Variants in AP1G1 observed in about 807,000 individuals in gnomAD.
AP1G1 encodes AP-1 complex subunit gamma-1.
AP1G1 carries 7 observed loss-of-function variants against 108.3 expected under a neutral mutation model. The ratio of observed to expected loss-of-function variants is 0.06; its 90% CI spans 0.04 to 0.12. The LOEUF (loss-of-function observed/expected upper bound fraction) is 0.12, where lower values mean the gene tolerates loss of function less well. Among genes scored for constraint, AP1G1 ranks in the 10% least tolerant of loss-of-function variants. The pLI is 1.00. For missense variants in AP1G1, 756 were observed against 1,010.7 expected, an observed-to-expected ratio of 0.75 and a Z score of 3.42; for synonymous variants, 379 against 353.5, an observed-to-expected ratio of 1.07 and a Z score of -0.81.
intron 1 of AP1G1, chr16:71,808,400 A>C: frequency 9.6e-7 from 1 of 1,037,298 alleles, no homozygotes; most frequent in Non-Finnish European, 1.2e-6. Flanking sequence ...CGTGGCTCAG[A>C]GAAGACACGC....
At chr16:71,791,857 G>T (rs1241306533) in intron 1 of AP1G1, among the ~76,000 whole-genome samples, 2 of 151,278 alleles carry the variant, frequency 1.3e-5, no homozygotes, top group African/African-American at 2.4e-5. Flanking sequence ...CACCTCCTGG[G>T]TTCAAGCACT....
intron 7 of AP1G1, among the ~76,000 whole-genome samples, chr16:71,765,022 A>G (rs1222017042): frequency 6.6e-6 from 1 of 152,256 alleles, no homozygotes; most frequent in African/African-American, 2.4e-5. Flanking sequence ...AATAATTCAA[A>G]TAATAAATGA....
chr16:71,740,154 G>C (rs1253496657), intron 19 of AP1G1, among the ~76,000 whole-genome samples: 1 of 152,214 alleles, frequency 6.6e-6, no homozygotes, highest in Admixed American at 6.5e-5. Flanking sequence ...CAACAGTAGA[G>C]TTGAACATCA....
chr16:71,763,146 A>AG (rs1236812191), intron 9 of AP1G1, among the ~76,000 whole-genome samples: 1 of 152,226 alleles, frequency 6.6e-6, no homozygotes, highest in Admixed American at 6.5e-5. Flanking sequence ...AGATTGCTTG[A>AG]GGCCAGGAGT....
intron 1 of AP1G1, among the ~76,000 whole-genome samples, chr16:71,793,634 C>G (rs536920765): frequency 2.0e-5 from 3 of 152,284 alleles, no homozygotes; most frequent in African/African-American, 7.2e-5. Flanking sequence ...CACTAAGGTC[C>G]TAAGAGCACC....
rs1318923729 is a variant in AP1G1 at position 71,803,919 on chromosome 16, G to A, written c.-4+4844C>T. Among the ~76,000 whole-genome samples the A allele has an allele frequency of 7.0e-5, 8 of 114,168 alleles. No homozygotes were observed. The East Asian group carries it at 8.1e-4, about 12-fold the overall frequency. 74.9% of individuals were successfully genotyped at this position (114,168 alleles called of 152,430 possible). On this transcript the variant is annotated intron_variant, in intron 1 of 22. Transcript: ENST00000299980. ...AGCCTGGGCAACAGAGGAGGACTCC[G>A]TCTCAAAAAAAAAAAAAAAAAAGAC...
chr16:71,803,929 A>G (rs2142288423), intron 1 of AP1G1, among the ~76,000 whole-genome samples: 1 of 151,956 alleles, frequency 6.6e-6, no homozygotes, highest in South Asian at 2.1e-4. Flanking sequence ...GTCTCAAAAA[A>G]AAAAAAAAAA....
chr16:71,740,423 G>A (rs2045604571), intron 19 of AP1G1, among the ~76,000 whole-genome samples: 1 of 152,160 alleles, frequency 6.6e-6, no homozygotes, highest in African/African-American at 2.4e-5. Context: ...ATCCTTGCAT[G>A]TGTTCACTGG....
intron 13 of AP1G1, 77 bp from the exon 14 acceptor site, chr16:71,750,409 G>T (rs2030421514): frequency 6.5e-7 from 1 of 1,547,274 alleles, no homozygotes; most frequent in Middle Eastern, 2.2e-4. Flanking sequence ...TATTATTACT[G>T]TGTGTTTTTT....
Position 71,773,382 on chromosome 16 carries a change from G to A in AP1G1, c.327-20C>T, listed in dbSNP as rs1483392835. The A allele has an allele frequency of 6.8e-7, 1 of 1,481,062 alleles. No individual in the cohort carries two copies. The highest frequency in any genetic ancestry group is 2.6e-5 in the Admixed American group (1 of 38,860). The allele number at this position is 1,481,062 out of a possible 1,614,324, so 91.7% of individuals were successfully genotyped here. A position where few individuals can be genotyped will look rare whatever the true frequency, so the allele number is the denominator to read the frequency against. On this transcript the variant is annotated intron_variant, in intron 3 of 22. Transcript: ENST00000299980. Reference sequence around the variant, plus strand: ...AGATCACTGCAAAAGAAAAGAGGAAGGTAGGAACAAGCCTGGTGCTCCCCA... The same window carrying A: ...AGATCACTGCAAAAGAAAAGAGGAAAGTAGGAACAAGCCTGGTGCTCCCCA...
chr16:71,760,230 CTTTTT>C (rs58466690), intron 10 of AP1G1, among the ~76,000 whole-genome samples: 2 of 129,970 alleles, frequency 1.5e-5, no homozygotes, highest in African/African-American at 2.8e-5. Context: ...ATTTCCACAT[CTTTTT>C]TTTTTTTTTT....
rs117545514 is a variant in AP1G1, at chr16:71,778,340, C to G, written c.202-3748G>C. 5.7e-3 allele frequency among the ~76,000 whole-genome samples: 875 copies of G among 152,266 alleles called. 1 individual carries two copies. The highest frequency in any genetic ancestry group is 0.017 in the Middle Eastern group (5 of 294). On this transcript the variant is annotated intron_variant, in intron 2 of 22. Coordinates refer to ENST00000299980, the MANE Select transcript of AP1G1 (RefSeq NM_001128.6). ...GGATTAACTCTGATCACACTTTATA[C>G]TTAAGTGGCCAGCCATAGTGCTGAG...
At chr16:71,745,861 T>C (rs1254019194) in intron 17 of AP1G1, among the ~76,000 whole-genome samples, 2 of 152,132 alleles carry the variant, frequency 1.3e-5, no homozygotes, top group Non-Finnish European at 1.5e-5. Flanking sequence ...ATTTCAGTGG[T>C]AGAGAGACTG....
At chr16:71,736,678 C>T (rs570057255) in intron 21 of AP1G1, among the ~76,000 whole-genome samples, 195 of 151,216 alleles carry the variant, frequency 1.3e-3, no homozygotes, top group African/African-American at 4.0e-3. Context: ...CTCCACCTCC[C>T]GGGCTCACGC....
chr16:71,749,387 G>T (rs919786555), intron 15 of AP1G1, among the ~76,000 whole-genome samples: 1 of 151,872 alleles, frequency 6.6e-6, no homozygotes, highest in African/African-American at 2.4e-5. Context: ...GGAGGCTGAG[G>T]TGGGAAGATC....
intron 2 of AP1G1, among the ~76,000 whole-genome samples, chr16:71,775,758 C>T (rs144902471): frequency 5.7e-4 from 86 of 152,096 alleles, no homozygotes; most frequent in African/African-American, 1.6e-3. Flanking sequence ...CGGGAGAGGG[C>T]GAGGGTTTAG....
intron 1 of AP1G1, chr16:71,808,169 G>C: frequency 8.9e-7 from 1 of 1,127,734 alleles, no homozygotes; most frequent in Non-Finnish European, 1.1e-6. Context: ...AGGGTAAACA[G>C]TATACTCGCA....
chr16:71,781,494 T>A (rs529365144), intron 2 of AP1G1, among the ~76,000 whole-genome samples: 1 of 152,212 alleles, frequency 6.6e-6, no homozygotes, highest in Admixed American at 6.5e-5. Flanking sequence ...CATTTCTCCA[T>A]CCCAGAAGTA....
rs778964559 is a variant in AP1G1 at position 71,765,509 on chromosome 16, T to C, written c.718A>G (p.Ile240Val). Residue 240 changes from isoleucine to valine, a missense_variant, in exon 7 of 23, where the codon ATC (isoleucine) becomes GTC (valine). Ile to Val is a conservative substitution (Grantham distance 29, BLOSUM62 3). This residue lies in a region of AP1G1 where 304 missense variants were observed against 483.6 expected (regional missense o/e 0.63). Transcript: ENST00000299980. ...CTCACCTGCAAAAAGGGGTCACTGATACCAGAAACATCATGTTCTGGTGAA... is the reference window on the plus strand; with the variant it reads ...CTCACCTGCAAAAAGGGGTCACTGACACCAGAAACATCATGTTCTGGTGAA... ...GYSPEHDVSG[I>V]SDPFLQVRIL... The C allele has an allele frequency of 1.9e-6, 3 of 1,612,936 alleles. No homozygotes were observed. The highest frequency in any genetic ancestry group is 1.7e-5 in the Admixed American group (1 of 59,988).
Sources: allele counts gnomAD v4.1 joint callset (sites outside exome capture counted in the v4.1 genomes callset), GRCh38; gene constraint gnomAD v4.1.1; regional missense constraint gnomAD v4.1.1; transcripts MANE v1.5; gene names NCBI Gene and HGNC (gene_info 2026-07-23, HGNC 2026-07-21).